The following MIDEAS variants were observed in gnomAD, a reference collection of about 807,000 sequenced individuals.
The protein encoded by MIDEAS is mitotic deacetylase-associated SANT domain protein.
In MIDEAS, 26 loss-of-function variants were observed where a neutral mutation model predicts 102.7. That is an observed-to-expected ratio of 0.25 (90% CI 0.19 to 0.35). The LOEUF (loss-of-function observed/expected upper bound fraction) is 0.35. Ranked by LOEUF, MIDEAS falls within the 10% of genes least tolerant of loss-of-function variation. The probability of loss-of-function intolerance (pLI) is 1.00; values close to 1 mark genes in which losing one functional copy is unlikely to be tolerated. For synonymous variants in MIDEAS, 585 were observed against 591.0 expected (o/e 0.99, Z 0.15); for missense variants, 1,231 against 1,435.6 (o/e 0.86, Z 2.30).
At position 73,759,389 on chromosome 14, in the gene MIDEAS, C is replaced by A. The variant is rs1269768059; in HGVS notation, c.-248+374G>T. Among the ~76,000 whole-genome samples, 1 of 151,962 alleles carries A rather than the reference C, an allele frequency of 6.6e-6. No homozygotes were observed. The highest frequency in any genetic ancestry group is 1.5e-5 in the Non-Finnish European group (1 of 67,944). On this transcript the variant is annotated intron_variant, in intron 1 of 12. Transcript: ENST00000423556. The surrounding 1 kb of genome is among the most constrained non-coding windows in gnomAD (Gnocchi z 6.7). Reference sequence around the variant, plus strand: ...GAGGAGGAGCAGCCGGATTCCCGAGCCGCCGCGGGCCGCCGGGTGGGGAGG... The same window carrying A: ...GAGGAGGAGCAGCCGGATTCCCGAGACGCCGCGGGCCGCCGGGTGGGGAGG...
upstream of MIDEAS, among the ~76,000 whole-genome samples, chr14:73,763,737 A>G (rs1333852249): frequency 6.6e-6 from 1 of 151,856 alleles, no homozygotes; most frequent in Non-Finnish European, 1.5e-5. Flanking sequence ...CTAAAGTACA[A>G]CCTCCAGGAC....
At position 73,738,693 on chromosome 14, in the gene MIDEAS, G is replaced by C. The variant is rs1335532910; in HGVS notation, c.1316C>G (p.Thr439Arg). The C allele has an allele frequency of 1.2e-6, 2 of 1,613,710 alleles. No individual in the cohort carries two copies. Residue 439 changes from threonine (T) to arginine (R), a missense_variant, in exon 2 of 13, where the codon ACA (threonine) becomes AGA (arginine). By Grantham distance (71) the Thr-to-Arg change is moderately conservative (BLOSUM62 -1). Transcript: ENST00000423556. ...CCGTAGCACCTGCCCACAGTCCCCT[G>C]TGCTCACTGCCCTCATGCCCTCCTC... is the stretch of plus-strand genomic sequence containing the variant. The part of the protein sequence containing the change: ...GSEEGMRAVS[T>R]GDCGQVLRGG...
rs1481685849 is a variant in MIDEAS, at chr14:73,719,394, T to C, written c.3045A>G (p.Ala1015=). Residue 1015 remains alanine, a synonymous_variant, in exon 12 of 13, where the codon GCA becomes GCG. Transcript: ENST00000423556. ...TTTTCTTCTTCTCTGAAAAAGGTAG[T>C]GCCCTTCGTGACTTCCCTGTCCCTT... ...PREGTGKSRR[A]LPFSEKKKKT... is the part of the protein sequence containing the mutation. The C allele has an allele frequency of 1.9e-6, 3 of 1,613,980 alleles. No homozygotes were observed. The highest frequency in any genetic ancestry group is 2.7e-5 in the African/African-American group (2 of 74,936).
At position 73,739,023 on chromosome 14, in the gene MIDEAS, G is replaced by A; in HGVS notation, c.986C>T (p.Ser329Leu). The A allele has an allele frequency of 1.3e-6, 2 of 1,543,804 alleles. No individual in the cohort carries two copies. Among genetic ancestry groups the A allele is most frequent in the Non-Finnish European group, 1.7e-6 (2 of 1,143,824 alleles). ...CTGAGGTAGCGCTGGCTGCGGGGCTGAGTCCTGCAGAAGGGCCTTGCGCAG... is the reference window on the plus strand; with the variant it reads ...CTGAGGTAGCGCTGGCTGCGGGGCTAAGTCCTGCAGAAGGGCCTTGCGCAG... ...PELRKALLQDSAPQPALPQVQ... is the reference protein window; with the variant it reads ...PELRKALLQDLAPQPALPQVQ... The change falls in exon 2 of 13, where the codon TCA (serine) becomes TTA (leucine). Residue 329 changes from serine (S) to leucine (L), a missense_variant. Transcript: ENST00000423556.
intron 3 of MIDEAS, among the ~76,000 whole-genome samples, chr14:73,733,565 C>CA (rs1457291773): frequency 6.6e-6 from 1 of 152,002 alleles, no homozygotes; most frequent in Non-Finnish European, 1.5e-5. Flanking sequence ...CTCCAGCCTG[C>CA]ACAACAGAGT....
intron 12 of MIDEAS, 64 bp downstream of exon 12, chr14:73,719,241 A>ACCCCCCCC: frequency 2.9e-6 from 1 of 350,418 alleles, no homozygotes; most frequent in Non-Finnish European, 4.2e-6. Context: ...CCTCCACCCC[A>ACCCCCCCC]CCCCCGCCCC....
intron 1 of MIDEAS, among the ~76,000 whole-genome samples, chr14:73,782,393 A>G (rs893222695): frequency 2.6e-5 from 4 of 152,172 alleles, no homozygotes; most frequent in African/African-American, 7.2e-5. Flanking sequence ...AGAGAGAGAG[A>G]GAATCTCTGT....
chr14:73,725,333 C>T lies in MIDEAS; in HGVS notation c.2513G>A (p.Arg838Lys). ...TGSDQWKMAE[R>K]KLFNKGIAIY... ...GGCAATGCCTTTGTTGAACAGCTTC[C>T]TCTCGGCCATCTTCCACTGGTCAGA... Residue 838 changes from arginine to lysine, a missense_variant, in exon 9 of 13, where the codon AGG (arginine) becomes AAG (lysine). Coordinates refer to ENST00000423556, the MANE Select transcript of MIDEAS (RefSeq NM_001367710.1). This position sits in a 1 kb window ranked among gnomAD's most constrained non-coding sequence, Gnocchi z 4.1. 6.2e-7 allele frequency: 1 copy of T among 1,614,082 alleles called. No individual in the cohort carries two copies. Among genetic ancestry groups the T allele is most frequent in the Non-Finnish European group, 8.5e-7 (1 of 1,179,984 alleles).
chr14:73,765,095 C>G (rs186726323), upstream of MIDEAS, among the ~76,000 whole-genome samples: 9 of 152,332 alleles, frequency 5.9e-5, no homozygotes, highest in African/African-American at 2.2e-4. Flanking sequence ...AGTTCCATGC[C>G]CTCTGCAGAA....
intron 1 of MIDEAS, among the ~76,000 whole-genome samples, chr14:73,740,604 C>T (rs1275292227): frequency 2.0e-5 from 3 of 152,248 alleles, no homozygotes; most frequent in Non-Finnish European, 2.9e-5. Flanking sequence ...AGCCCAAGCC[C>T]CTCCAGCCCA....
At chr14:73,752,245 A>T (rs993472823) in intron 1 of MIDEAS, among the ~76,000 whole-genome samples, 3 of 152,198 alleles carry the variant, frequency 2.0e-5, no homozygotes, top group African/African-American at 7.2e-5. Flanking sequence ...CAAAGGTAAA[A>T]TGACCTGCCT....
chr14:73,754,963 C>T (rs1041148182), intron 1 of MIDEAS: 4 of 152,200 alleles, frequency 2.6e-5, no homozygotes, highest in Admixed American at 2.6e-4. Context: ...TAGAGAGAAG[C>T]CCCTTCTGGC....
At chr14:73,726,767 C>T in intron 6 of MIDEAS, 60 bp from the exon 7 acceptor site, 3 of 1,610,670 alleles carry the variant, frequency 1.9e-6, no homozygotes, top group Non-Finnish European at 1.7e-6. Flanking sequence ...CGGGGCTGGG[C>T]AGGGTGAGGC....
At chr14:73,735,504 TTA>T (rs1234494331) in intron 3 of MIDEAS, among the ~76,000 whole-genome samples, 4 of 152,162 alleles carry the variant, frequency 2.6e-5, no homozygotes, top group African/African-American at 7.2e-5. Flanking sequence ...TGCCCAGACT[TTA>T]TGTTAATTTT....
At chr14:73,783,248 G>A (rs1028845981) in intron 1 of MIDEAS, among the ~76,000 whole-genome samples, 1 of 152,112 alleles carries the variant, frequency 6.6e-6, no homozygotes, top group African/African-American at 2.4e-5. Flanking sequence ...CTGGAGTCCC[G>A]GGGGAGGCCC....
At chr14:73,749,379 A>AG (rs2053393883) in intron 1 of MIDEAS, among the ~76,000 whole-genome samples, 2 of 150,324 alleles carry the variant, frequency 1.3e-5, no homozygotes, top group African/African-American at 4.9e-5. Context: ...ACAAAAAAAA[A>AG]AAAAAAAAAA....
Position 73,726,595 on chromosome 14 carries a change from C to T in MIDEAS, c.2409+9G>A. 6.2e-7 allele frequency: 1 copy of T among 1,613,566 alleles called. No individual in the cohort carries two copies. The highest frequency in any genetic ancestry group is 8.5e-7 in the Non-Finnish European group (1 of 1,179,688). On this transcript the variant is annotated intron_variant, in intron 7 of 12. Coordinates refer to ENST00000423556, the MANE Select transcript of MIDEAS (RefSeq NM_001367710.1). ...AGGGGCCCTCCCTCTGCTGGGGTTGCCTTCTCACCAGGATGTCTCCTCTGG... is the reference window on the plus strand; with the variant it reads ...AGGGGCCCTCCCTCTGCTGGGGTTGTCTTCTCACCAGGATGTCTCCTCTGG...
chr14:73,740,769 C>T (rs1223338552), intron 1 of MIDEAS, among the ~76,000 whole-genome samples: 1 of 152,236 alleles, frequency 6.6e-6, no homozygotes, highest in Admixed American at 6.5e-5. Flanking sequence ...GCCAGTGCCT[C>T]CTCTGACACT....
chr14:73,719,606 C>T (rs2052955691), intron 11 of MIDEAS, 105 bp from the exon 12 acceptor site: 1 of 1,156,966 alleles, frequency 8.6e-7, no homozygotes, highest in Admixed American at 2.1e-5. Flanking sequence ...TATATTCCTG[C>T]CAAACAGTCA....
Sources: allele counts gnomAD v4.1 joint callset (sites outside exome capture counted in the v4.1 genomes callset), GRCh38; gene constraint gnomAD v4.1.1; non-coding constraint Gnocchi (gnomAD v3.1); transcripts MANE v1.5; gene names NCBI Gene and HGNC (gene_info 2026-07-23, HGNC 2026-07-21).